The following DPP10 variants were observed in gnomAD, a reference collection of about 807,000 sequenced individuals.
The protein encoded by DPP10 is inactive dipeptidyl peptidase 10.
A neutral mutation model predicts 120.9 loss-of-function variants in DPP10; 33 were observed. The observed-to-expected ratio is 0.27, with a 90% CI of 0.21 to 0.37. DPP10 has a LOEUF of 0.37. DPP10 is among the 10% of genes least tolerant of loss of function. The pLI, the probability that DPP10 is intolerant of heterozygous loss-of-function variation, is 1.00. For synonymous variants in DPP10, 337 were observed against 326.1 expected (o/e 1.03, Z -0.36); for missense variants, 816 against 942.8 (o/e 0.87, Z 1.76).
chr2:115,386,375 C>G (rs1219210369), intron 3 of DPP10, among the ~76,000 whole-genome samples: 1 of 152,154 alleles, frequency 6.6e-6, no homozygotes, highest in Non-Finnish European at 1.5e-5. Flanking sequence ...ACATGCATCA[C>G]TCTTACCTGT....
chr2:114,795,813 C>G (rs559932589), intron 1 of DPP10, among the ~76,000 whole-genome samples: 1 of 152,106 alleles, frequency 6.6e-6, no homozygotes, highest in Non-Finnish European at 1.5e-5. Context: ...TACTAATTAC[C>G]ATAAAATATA....
intron 4 of DPP10, among the ~76,000 whole-genome samples, chr2:115,504,906 C>G (rs1350759818): frequency 6.6e-6 from 1 of 152,090 alleles, no homozygotes; most frequent in Non-Finnish European, 1.5e-5. Context: ...AGGAAATAGT[C>G]TTGTTGCTTC....
chr2:114,636,805 G>A (rs1363368627), intron 1 of DPP10, among the ~76,000 whole-genome samples: 1 of 151,810 alleles, frequency 6.6e-6, no homozygotes, highest in Non-Finnish European at 1.5e-5. Context: ...CTCCTTAGAT[G>A]GTTTTTGATA....
intron 3 of DPP10, among the ~76,000 whole-genome samples, chr2:115,476,937 GA>G (rs70941065): frequency 0.83 from 125,826 of 151,996 alleles, 55,135 homozygotes; most frequent in Non-Finnish European, 0.97. Flanking sequence ...AATTGATACA[GA>G]AAAAATCATT....
chr2:115,678,327 G>A (rs58839648), intron 5 of DPP10, among the ~76,000 whole-genome samples: 2 of 152,194 alleles, frequency 1.3e-5, no homozygotes, highest in Non-Finnish European at 2.9e-5. Context: ...CCCCTGCTGT[G>A]TGCAGCCTTG....
At chr2:115,555,584 A>T (rs2080159175) in intron 5 of DPP10, among the ~76,000 whole-genome samples, 1 of 152,118 alleles carries the variant, frequency 6.6e-6, no homozygotes, top group Non-Finnish European at 1.5e-5. Context: ...TCCACAAGGA[A>T]AACTAATGTG....
At chr2:115,421,793 C>T (rs779495274) in intron 3 of DPP10, among the ~76,000 whole-genome samples, 7 of 140,816 alleles carry the variant, frequency 5.0e-5, no homozygotes, top group African/African-American at 7.9e-5. Flanking sequence ...ATCGCTTGAA[C>T]CCGGGAAGCA....
intron 1 of DPP10, among the ~76,000 whole-genome samples, chr2:114,540,580 A>G (rs1187423836): frequency 1.3e-5 from 2 of 152,200 alleles, no homozygotes; most frequent in Non-Finnish European, 2.9e-5. Flanking sequence ...TGGCAATAGA[A>G]CATTCAGATG....
chr2:114,657,815 G>T (rs1429448616), intron 1 of DPP10, among the ~76,000 whole-genome samples: 1 of 152,104 alleles, frequency 6.6e-6, no homozygotes, highest in Non-Finnish European at 1.5e-5. Context: ...AATAATTCAT[G>T]CATTTATTTG....
intron 1 of DPP10, among the ~76,000 whole-genome samples, chr2:114,614,827 T>C (rs1469089768): frequency 2.0e-5 from 3 of 152,206 alleles, no homozygotes; most frequent in Non-Finnish European, 4.4e-5. Flanking sequence ...TGAAATTCCT[T>C]AATGATAGCA....
At chr2:115,780,262 C>T (rs781295118) in intron 15 of DPP10, among the ~76,000 whole-genome samples, 1 of 151,906 alleles carries the variant, frequency 6.6e-6, no homozygotes, top group South Asian at 2.1e-4. Flanking sequence ...GGTGATGACT[C>T]TTCTTTTTAC....
At chr2:115,713,491 C>T (rs566795359) in intron 7 of DPP10, among the ~76,000 whole-genome samples, 1 of 152,288 alleles carries the variant, frequency 6.6e-6, no homozygotes, top group South Asian at 2.1e-4. Context: ...AACAGGAATA[C>T]ATGACATGAA....
chr2:114,694,253 A>G (rs961569917), intron 1 of DPP10, among the ~76,000 whole-genome samples: 15 of 151,966 alleles, frequency 9.9e-5, no homozygotes, highest in Non-Finnish European at 1.8e-4. Context: ...CATGGAGCCA[A>G]GCATATGGTA....
intron 3 of DPP10, among the ~76,000 whole-genome samples, chr2:115,435,051 CATATAT>C (rs58828924): frequency 0.13 from 19,617 of 147,808 alleles, 2,012 homozygotes; most frequent in African/African-American, 0.29. Flanking sequence ...CACATGCACA[CATATAT>C]ATATATATAT....
Position 114,795,872 on chromosome 2 carries a change from C to T in DPP10, c.60+353034C>T, listed in dbSNP as rs528678420. ...AAAATTATCAAAACTCATGGACACA[C>T]ACTTACAGACCATGCATGGAACCAT... is the stretch of plus-strand genomic sequence containing the variant. On this transcript the variant is annotated intron_variant, in intron 1 of 25. Coordinates refer to ENST00000410059, the MANE Select transcript of DPP10 (RefSeq NM_020868.6). 3.4e-4 allele frequency among the ~76,000 whole-genome samples: 52 copies of T among 152,316 alleles called. 1 individual carries two copies. Among genetic ancestry groups the T allele is most frequent in the African/African-American group, 1.2e-3 (50 of 41,570 alleles).
rs545630233 is a variant in DPP10, at chr2:115,286,162, G to A, written c.61-23077G>A. On this transcript the variant is annotated intron_variant, in intron 1 of 25. Transcript: ENST00000410059. ...TCTTACTCTAAGAAAGAGTTATTAT[G>A]CATCCTAATACTGGTATGCAAACAT... Among the ~76,000 whole-genome samples, 4 of 151,620 alleles carry A rather than the reference G, an allele frequency of 2.6e-5. No individual in the cohort carries two copies. In the South Asian group the frequency reaches 8.3e-4, roughly 31 times the overall value.
intron 1 of DPP10, among the ~76,000 whole-genome samples, chr2:114,608,303 C>T (rs1198751634): frequency 6.6e-6 from 1 of 152,074 alleles, no homozygotes. Flanking sequence ...TTACCACTAA[C>T]CCACCAAGTA....
chr2:115,379,489 C>G (rs1161863055), intron 3 of DPP10, among the ~76,000 whole-genome samples: 1 of 151,942 alleles, frequency 6.6e-6, no homozygotes. Context: ...TTTGTTGATC[C>G]TTTCAAAAAA....
intron 1 of DPP10, among the ~76,000 whole-genome samples, chr2:114,600,699 A>G (rs1692287455): frequency 6.6e-6 from 1 of 151,884 alleles, no homozygotes; most frequent in Admixed American, 6.6e-5. Context: ...CCCAGTAATA[A>G]TATTTCTAGC....
Sources: allele counts gnomAD v4.1 joint callset (sites outside exome capture counted in the v4.1 genomes callset), GRCh38; gene constraint gnomAD v4.1.1; transcripts MANE v1.5; gene names NCBI Gene and HGNC (gene_info 2026-07-23, HGNC 2026-07-21).